TBP: variants seen among roughly 807,000 people sequenced by gnomAD.
TBP encodes the protein TATA-box binding protein, also known as TATA-box-binding protein.
A neutral mutation model predicts 46.2 loss-of-function variants in TBP; 12 were observed. The observed-to-expected ratio is 0.26, with a 90% CI of 0.17 to 0.42. The LOEUF (loss-of-function observed/expected upper bound fraction) is 0.42. Among genes scored for constraint, TBP ranks in the 10% least tolerant of loss-of-function variants. The pLI, the probability that TBP is intolerant of heterozygous loss-of-function variation, is 1.00. For missense variants in TBP, 229 were observed against 403.1 expected, an observed-to-expected ratio of 0.57 and a Z score of 3.70; for synonymous variants, 157 against 148.3, an observed-to-expected ratio of 1.06 and a Z score of -0.42.
Position 170,556,989 on chromosome 6 carries a change from A to G in TBP, c.-41A>G. 6.2e-7 allele frequency: 1 copy of G among 1,606,358 alleles called. No individual in the cohort carries two copies. The highest frequency in any genetic ancestry group is 1.3e-5 in the African/African-American group (1 of 74,784). On this transcript the variant is annotated 5_prime_UTR_variant, in exon 2 of 8. Transcript: ENST00000392092. The stretch of plus-strand genomic sequence containing the variant: ...AAAATTGAATAGTGAGACGAGTTCC[A>G]GCGCAAGGGTTTCTGGTTTGCCAAG...
intron 7 of TBP, among the ~76,000 whole-genome samples, chr6:170,571,911 G>T (rs904300337): frequency 6.6e-6 from 1 of 151,658 alleles, no homozygotes; most frequent in Non-Finnish European, 1.5e-5. Context: ...TTTATGGCCT[G>T]GTTCAGGACC....
intron 2 of TBP, among the ~76,000 whole-genome samples, chr6:170,559,214 AT>A (rs535594917): frequency 8.5e-4 from 130 of 152,296 alleles, no homozygotes; most frequent in African/African-American, 3.1e-3. Context: ...GTGACTTTTA[AT>A]TAAGTGTTCA....
At chr6:170,570,280 A>C (rs959142121) in intron 6 of TBP, among the ~76,000 whole-genome samples, 2 of 152,282 alleles carry the variant, frequency 1.3e-5, no homozygotes, top group Non-Finnish European at 2.9e-5. Flanking sequence ...GTCTGTTCAC[A>C]GGCACATTAG....
rs1779384345 is a variant in TBP, at chr6:170,572,585, G to A, written c.*320G>A. On this transcript the variant is annotated 3_prime_UTR_variant, in exon 8 of 8. Coordinates refer to ENST00000392092, the MANE Select transcript of TBP (RefSeq NM_003194.5). ...TGGTTTGAGGGAGAAAACTTTAAGT[G>A]TTAAAGCCACCTCTATAATTGATTG... 1 of 286,866 alleles carries A rather than the reference G, an allele frequency of 3.5e-6. No individual in the cohort carries two copies. Among genetic ancestry groups the A allele is most frequent in the Non-Finnish European group, 6.4e-6 (1 of 156,622 alleles). The allele number at this position is 286,866 out of a possible 1,614,324, so 17.8% of individuals were successfully genotyped here.
At chr6:170,571,042 A>C (rs1362027029) in intron 6 of TBP, among the ~76,000 whole-genome samples, 3 of 152,246 alleles carry the variant, frequency 2.0e-5, no homozygotes, top group African/African-American at 7.2e-5. Context: ...GGACTGTAAT[A>C]GTAATTATTA....
At chr6:170,565,199 C>T (rs1191685269) in intron 4 of TBP, among the ~76,000 whole-genome samples, 2 of 152,112 alleles carry the variant, frequency 1.3e-5, no homozygotes, top group South Asian at 4.1e-4. Flanking sequence ...TATGCTTATT[C>T]CTTGACACCA....
At chr6:170,555,284 C>T (rs545999137) in intron 1 of TBP, among the ~76,000 whole-genome samples, 1 of 152,344 alleles carries the variant, frequency 6.6e-6, no homozygotes, top group Non-Finnish European at 1.5e-5. Flanking sequence ...CTTGCCTCAA[C>T]CTTAGATTCC....
At position 170,561,965 on chromosome 6, in the gene TBP, CA is replaced by C; in HGVS notation, c.230del (p.Gln77ArgfsTer67). ...GCAGCAGCAGCAACAGCAACAGCAG[CA>C]GCAGCAGCAGCAGCAGCAGCAGCAG... ...QQQQQQQQQQ[Q>X]QQQQQQQQQQ... On this transcript the variant is annotated frameshift_variant, in exon 3 of 8. Coordinates refer to ENST00000392092, the MANE Select transcript of TBP (RefSeq NM_003194.5). LOFTEE classifies it high-confidence loss of function. 2 of 539,556 alleles carry C rather than the reference CA, an allele frequency of 3.7e-6. No individual in the cohort carries two copies. Among genetic ancestry groups the C allele is most frequent in the Non-Finnish European group, 4.9e-6 (2 of 410,300 alleles). 33.4% of individuals were successfully genotyped at this position (539,556 alleles called of 1,614,324 possible). A position where few individuals can be genotyped will look rare whatever the true frequency, so the allele number is the denominator to read the frequency against.
intron 3 of TBP, among the ~76,000 whole-genome samples, chr6:170,563,840 A>C (rs1583129451): frequency 6.6e-6 from 1 of 152,346 alleles, no homozygotes; most frequent in East Asian, 1.9e-4. Context: ...ATGTATAATG[A>C]AAATGTGGGT....
intron 3 of TBP, among the ~76,000 whole-genome samples, chr6:170,563,699 T>C (rs1322423014): frequency 6.6e-6 from 1 of 152,218 alleles, no homozygotes; most frequent in African/African-American, 2.4e-5. Context: ...TTTGAACCTA[T>C]GTATTTGAAA....
chr6:170,566,043 C>T (rs929970685), intron 4 of TBP, among the ~76,000 whole-genome samples: 2 of 151,560 alleles, frequency 1.3e-5, no homozygotes, highest in Non-Finnish European at 2.9e-5. Context: ...CACTGCACTC[C>T]AGTCTGGGCA....
chr6:170,565,141 G>A (rs1210710387), intron 4 of TBP, among the ~76,000 whole-genome samples: 4 of 152,112 alleles, frequency 2.6e-5, no homozygotes, highest in African/African-American at 9.7e-5. Flanking sequence ...TGGCAACAGA[G>A]CGAGACTCCG....
In TBP at chr6:170,566,882, C is replaced by T. The variant is rs762627715; in HGVS notation, c.586-36C>T. 16 of 1,595,784 alleles carry T rather than the reference C, an allele frequency of 1.0e-5. No individual in the cohort carries two copies. In the South Asian group the frequency reaches 1.6e-4, roughly 16 times the overall value. On this transcript the variant is annotated intron_variant, in intron 4 of 7. Transcript: ENST00000392092. ...CGCCTAACAACATTGAGCAGTTTGG[C>T]ATGACCTCACTAATGATTCTCTCTG...
chr6:170,556,173 A>T (rs1779023289), intron 1 of TBP, among the ~76,000 whole-genome samples: 1 of 152,218 alleles, frequency 6.6e-6, no homozygotes, highest in Non-Finnish European at 1.5e-5. Flanking sequence ...ATCTTTGGAC[A>T]TATAATTTGT....
At chr6:170,558,246 G>A (rs1779069560) in intron 2 of TBP, among the ~76,000 whole-genome samples, 1 of 152,240 alleles carries the variant, frequency 6.6e-6, no homozygotes, top group South Asian at 2.1e-4. Flanking sequence ...TCCTATATTG[G>A]TATATGTATA....
Position 170,562,138 on chromosome 6 carries a change from C to T in TBP, c.402C>T (p.Gly134=). The change falls in exon 3 of 8, where the codon GGC becomes GGT. Residue 134 remains glycine (G), a synonymous_variant. Coordinates refer to ENST00000392092, the MANE Select transcript of TBP (RefSeq NM_003194.5). Reference sequence around the variant, plus strand: ...CTCTCACAACTGCACCCTTGCCGGGCACCACTCCACTGTATCCCTCCCCCA... The same window carrying T: ...CTCTCACAACTGCACCCTTGCCGGGTACCACTCCACTGTATCCCTCCCCCA... The part of the protein sequence containing the change: ...SQTLTTAPLP[G]TTPLYPSPMT... 1 of 1,614,186 alleles carries T rather than the reference C, an allele frequency of 6.2e-7. No individual in the cohort carries two copies. Among genetic ancestry groups the T allele is most frequent in the South Asian group, 1.1e-5 (1 of 91,076 alleles).
At position 170,561,958 on chromosome 6, in the gene TBP, A is replaced by ACAGCAGCAGCAGCAGCAGCAG. The variant is rs752404282; in HGVS notation, c.261_281dup (p.Gln89_Gln95dup). 3.9e-5 allele frequency: 55 copies of ACAGCAGCAGCAGCAGCAGCAG among 1,405,074 alleles called. No homozygotes were observed. Among genetic ancestry groups the ACAGCAGCAGCAGCAGCAGCAG allele is most frequent in the Middle Eastern group, 1.9e-4 (1 of 5,244 alleles). 87.0% of individuals were successfully genotyped at this position (1,405,074 alleles called of 1,614,324 possible). ...AGCAGCAGCAGCAGCAGCAACAGCA[A>ACAGCAGCAGCAGCAGCAGCAG]CAGCAGCAGCAGCAGCAGCAGCAGC... On this transcript the variant is annotated inframe_insertion, in exon 3 of 8. Coordinates refer to ENST00000392092, the MANE Select transcript of TBP (RefSeq NM_003194.5).
intron 5 of TBP, chr6:170,567,654 C>A (rs1779290168): frequency 6.6e-6 from 1 of 152,076 alleles, no homozygotes; most frequent in African/African-American, 2.4e-5. Context: ...CTTTGCAGAC[C>A]TTATTGGGCC....
At chr6:170,559,181 T>A (rs1779092681) in intron 2 of TBP, among the ~76,000 whole-genome samples, 1 of 152,168 alleles carries the variant, frequency 6.6e-6, no homozygotes, top group Non-Finnish European at 1.5e-5. Context: ...AATATGGAAA[T>A]TAGGCTAATT....
Sources: allele counts gnomAD v4.1 joint callset (sites outside exome capture counted in the v4.1 genomes callset), GRCh38; gene constraint gnomAD v4.1.1; transcripts MANE v1.5; gene names NCBI Gene and HGNC (gene_info 2026-07-23, HGNC 2026-07-21).